The following ZDHHC21 variants were observed in gnomAD, a reference collection of about 807,000 sequenced individuals.
ZDHHC21 encodes palmitoyltransferase ZDHHC21.
Under a neutral mutation model 34.6 loss-of-function variants are expected in ZDHHC21, and 15 were observed. The observed-to-expected ratio is 0.43, with a 90% CI of 0.29 to 0.67. The LOEUF (loss-of-function observed/expected upper bound fraction) is 0.67. Among genes scored for constraint, ZDHHC21 ranks in the 30% least tolerant of loss-of-function variants. The pLI is 0.14. For missense variants in ZDHHC21, 344 were observed against 327.7 expected (o/e 1.05, Z -0.38); for synonymous variants, 142 against 101.8 (o/e 1.40, Z -2.38).
At chr9:14,647,676 TACC>T (rs71322002) in intron 7 of ZDHHC21, among the ~76,000 whole-genome samples, 3 of 151,754 alleles carry the variant, frequency 2.0e-5, no homozygotes, top group Admixed American at 2.0e-4. Flanking sequence ...TCTTTCAATT[TACC>T]ACCACGTTTC....
At chr9:14,649,704 A>C (rs764584142) in intron 7 of ZDHHC21, among the ~76,000 whole-genome samples, 1 of 152,076 alleles carries the variant, frequency 6.6e-6, no homozygotes, top group Non-Finnish European at 1.5e-5. Context: ...TTTGGTAATC[A>C]TATGTATGCA....
At chr9:14,601,653 C>T in the ZDHHC21 span, among the ~76,000 whole-genome samples, 13 of 152,140 alleles carry the variant, frequency 8.5e-5, no homozygotes, top group Admixed American at 7.9e-4. Flanking sequence ...TGGGTATATA[C>T]CCAAAGGATT....
chr9:14,644,743 G>C (rs1182820155), intron 7 of ZDHHC21, among the ~76,000 whole-genome samples: 2 of 151,458 alleles, frequency 1.3e-5, no homozygotes, highest in Non-Finnish European at 2.9e-5. Context: ...AATTTGATCA[G>C]GTTGCTTATA....
intron 2 of ZDHHC21, among the ~76,000 whole-genome samples, chr9:14,684,720 A>AT (rs768376145): frequency 2.1e-5 from 3 of 146,032 alleles, no homozygotes; most frequent in Admixed American, 6.9e-5. Flanking sequence ...CTCATATGGA[A>AT]CCAAAAAAGA....
In ZDHHC21 at chr9:14,622,740, T is replaced by A. The variant is rs1015855100; in HGVS notation, c.622-3058A>T. 3.0e-6 allele frequency: 3 copies of A among 985,202 alleles called. No homozygotes were observed. In the African/African-American group the frequency reaches 5.2e-5, roughly 17 times the overall value. 61.0% of individuals were successfully genotyped at this position (985,202 alleles called of 1,614,324 possible). A position where few individuals can be genotyped will look rare whatever the true frequency, so the allele number is the denominator to read the frequency against. ...AAACAATCTGTTATATGACTATCTC[T>A]TTTGAGTCTGGAAGTAAGAGCCATT... On this transcript the variant is annotated intron_variant, in intron 8 of 9. Transcript: ENST00000380916.
Position 14,674,727 on chromosome 9 carries a change from GAAAT to G in ZDHHC21, c.-45-346_-45-343del, listed in dbSNP as rs201206991. 3.9e-5 allele frequency among the ~76,000 whole-genome samples: 6 copies of G among 152,036 alleles called. No homozygotes were observed. In the East Asian group the frequency reaches 1.2e-3, roughly 29 times the overall value. On this transcript the variant is annotated intron_variant, in intron 3 of 9. Coordinates refer to ENST00000380916, the MANE Select transcript of ZDHHC21 (RefSeq NM_178566.6). ...AGCAACTTCCTGTGTAAACCCAAAA[GAAAT>G]GAATACACGTGTCCACCAAAAGATT... is the stretch of plus-strand genomic sequence containing the variant.
intron 2 of ZDHHC21, among the ~76,000 whole-genome samples, chr9:14,687,713 T>C (rs1283410406): frequency 6.6e-6 from 1 of 150,824 alleles, no homozygotes; most frequent in Admixed American, 6.6e-5. Context: ...ACGTTGGGCC[T>C]AAACATTCAA....
intron 7 of ZDHHC21, among the ~76,000 whole-genome samples, chr9:14,656,310 G>C (rs142685655): frequency 1.3e-5 from 2 of 151,778 alleles, no homozygotes; most frequent in East Asian, 1.9e-4. Flanking sequence ...ACTTAAGTAG[G>C]TTAGAACAGT....
intron 3 of ZDHHC21, among the ~76,000 whole-genome samples, chr9:14,674,772 T>C (rs1234261025): frequency 3.3e-5 from 5 of 151,960 alleles, no homozygotes; most frequent in East Asian, 3.9e-4. Flanking sequence ...CAAAAATTTT[T>C]AGTAGCTTTA....
intron 3 of ZDHHC21, among the ~76,000 whole-genome samples, chr9:14,677,049 AT>A (rs1248776816): frequency 6.6e-6 from 1 of 152,140 alleles, no homozygotes; most frequent in East Asian, 1.9e-4. Flanking sequence ...TCAAATATTA[AT>A]TTTTGAACTC....
At chr9:14,653,421 T>A (rs1003850325) in intron 7 of ZDHHC21, among the ~76,000 whole-genome samples, 6 of 152,022 alleles carry the variant, frequency 3.9e-5, no homozygotes, top group Non-Finnish European at 8.8e-5. Context: ...ACACAGTAAA[T>A]GTAATTTACA....
chr9:14,643,276 A>G (rs892416403), intron 7 of ZDHHC21, among the ~76,000 whole-genome samples: 2 of 151,980 alleles, frequency 1.3e-5, no homozygotes, highest in African/African-American at 4.8e-5. Flanking sequence ...AAAGAAGAAG[A>G]AGAAAAGTAA....
chr9:14,682,989 T>A (rs1193787303), intron 2 of ZDHHC21, among the ~76,000 whole-genome samples: 2 of 152,088 alleles, frequency 1.3e-5, no homozygotes, highest in African/African-American at 4.8e-5. Context: ...TTGAAACCAA[T>A]GAGAACAGAC....
At chr9:14,657,480 G>C (rs879908666) in intron 7 of ZDHHC21, among the ~76,000 whole-genome samples, 33 of 147,428 alleles carry the variant, frequency 2.2e-4, no homozygotes, top group South Asian at 6.7e-4. Context: ...ACAAAGACAA[G>C]ATCTTTCCAC....
At chr9:14,602,941 A>C in the ZDHHC21 span, among the ~76,000 whole-genome samples, 4 of 150,550 alleles carry the variant, frequency 2.7e-5, no homozygotes, top group Admixed American at 2.6e-4. Context: ...AAAAAAAAAA[A>C]AAAAAAAAAA....
At position 14,614,350 on chromosome 9, in the gene ZDHHC21, T is replaced by C. The variant is rs549719855; in HGVS notation, c.*4616A>G. 26 of 151,898 alleles carry C rather than the reference T, an allele frequency of 1.7e-4. No homozygotes were observed. Among genetic ancestry groups the C allele is most frequent in the African/African-American group, 6.3e-4 (26 of 41,542 alleles). The allele number at this position is 151,898 out of a possible 1,614,324, so 9.4% of individuals were successfully genotyped here. A position where few individuals can be genotyped will look rare whatever the true frequency, so the allele number is the denominator to read the frequency against. The stretch of plus-strand genomic sequence containing the variant: ...TTCTGTTTCAAATTAGCAGGCAGTA[T>C]TGTAACATCTGAAGAACTGACAAAG... On this transcript the variant is annotated 3_prime_UTR_variant, in exon 10 of 10. Transcript: ENST00000380916.
At chr9:14,683,319 G>T (rs1297297746) in intron 2 of ZDHHC21, among the ~76,000 whole-genome samples, 4 of 72,390 alleles carry the variant, frequency 5.5e-5, no homozygotes, top group Non-Finnish European at 1.0e-4. Context: ...TAATAAAGAA[G>T]AAAAGAGAGA....
chr9:14,668,931 C>CTG (rs1834981322), intron 5 of ZDHHC21, among the ~76,000 whole-genome samples: 1 of 114,182 alleles, frequency 8.8e-6, no homozygotes, highest in Non-Finnish European at 1.8e-5. Context: ...CCATTCAGGA[C>CTG]ATAGGCATGG....
At chr9:14,671,838 G>A (rs1464713645) in intron 5 of ZDHHC21, among the ~76,000 whole-genome samples, 2 of 151,984 alleles carry the variant, frequency 1.3e-5, no homozygotes, top group Non-Finnish European at 2.9e-5. Context: ...TTTAAACATA[G>A]TTAAGAACTT....
Sources: allele counts gnomAD v4.1 joint callset (sites outside exome capture counted in the v4.1 genomes callset), GRCh38; gene constraint gnomAD v4.1.1; transcripts MANE v1.5; gene names NCBI Gene and HGNC (gene_info 2026-07-23, HGNC 2026-07-21).